The following GPX3 variants were observed in gnomAD, a reference collection of about 807,000 sequenced individuals.
The protein encoded by GPX3 is glutathione peroxidase 3, also known as GPx-3.
Under a neutral mutation model 25.1 loss-of-function variants are expected in GPX3, and 22 were observed. The observed-to-expected ratio is 0.88, with a 90% CI of 0.63 to 1.25. The LOEUF (loss-of-function observed/expected upper bound fraction) is 1.25. Among genes scored for constraint, GPX3 ranks in the 50% most tolerant of loss-of-function variants. The pLI, the probability that GPX3 is intolerant of heterozygous loss-of-function variation, is 0.00. For synonymous variants in GPX3, 110 were observed against 114.5 expected (o/e 0.96, Z 0.25); for missense variants, 278 against 286.6 (o/e 0.97, Z 0.22).
In GPX3 at chr5:151,028,073, G is replaced by C. The variant is rs755686829; in HGVS notation, c.624G>C (p.Lys208Asn). ...WHHRTTVSNV[K>N]MDILSYMRRQ... ...ACCGGACCACGGTCAGCAACGTCAA[G>C]ATGGACATCCTGTCCTACATGAGGC... The change falls in exon 5 of 5, where the codon AAG (lysine) becomes AAC (asparagine). Residue 208 changes from lysine to asparagine, a missense_variant. By Grantham distance (94) the Lys-to-Asn change is moderately conservative. Coordinates refer to ENST00000388825, the MANE Select transcript of GPX3 (RefSeq NM_002084.5). The C allele has an allele frequency of 1.2e-6, 2 of 1,611,510 alleles. No homozygotes were observed. The highest frequency in any genetic ancestry group is 1.7e-6 in the Non-Finnish European group (2 of 1,178,718).
chr5:151,025,584 A>G lies in GPX3; in HGVS notation c.241+91A>G, dbSNP rs1756535978. 22 of 1,166,528 alleles carry G rather than the reference A, an allele frequency of 1.9e-5. No individual in the cohort carries two copies. In the South Asian group the frequency reaches 3.4e-4, roughly 18 times the overall value. 72.3% of individuals were successfully genotyped at this position (1,166,528 alleles called of 1,614,324 possible). On this transcript the variant is annotated intron_variant, in intron 2 of 4. Transcript: ENST00000388825. The stretch of plus-strand genomic sequence containing the variant: ...TTTCTGGTGCATGGGGGAAAGGGTG[A>G]TGGCAATCACGAGAGTCCAAGCCCC...
chr5:151,026,884 T>C lies in GPX3; in HGVS notation c.242-16T>C, dbSNP rs1756556800. 6.3e-7 allele frequency: 1 copy of C among 1,590,906 alleles called. No homozygotes were observed. Among genetic ancestry groups the C allele is most frequent in the Admixed American group, 1.7e-5 (1 of 59,406 alleles). ...CGCCAGGATACTCCCACATCTGCTC[T>C]TTCTCTTTGGCCCAGAACTGAATGC... On this transcript the variant is annotated splice_polypyrimidine_tract_variant and intron_variant, in intron 2 of 4. Coordinates refer to ENST00000388825, the MANE Select transcript of GPX3 (RefSeq NM_002084.5).
chr5:151,024,481 C>T (rs938599305), intron 1 of GPX3, among the ~76,000 whole-genome samples: 1 of 152,072 alleles, frequency 6.6e-6, no homozygotes, highest in African/African-American at 2.4e-5. Flanking sequence ...TGAGGAAACT[C>T]AGGTCCGAAG....
chr5:151,024,802 C>G (rs749141413), intron 1 of GPX3, among the ~76,000 whole-genome samples: 1 of 152,222 alleles, frequency 6.6e-6, no homozygotes, highest in Non-Finnish European at 1.5e-5. Context: ...TTGGGAGCCT[C>G]TGAATCACCA....
intron 4 of GPX3, 124 bp from the exon 5 acceptor site, chr5:151,027,785 C>T: frequency 1.2e-6 from 1 of 827,578 alleles, no homozygotes; most frequent in Non-Finnish European, 2.1e-6. Flanking sequence ...CTGGCGCTGG[C>T]AGTCTTCTAA....
At chr5:151,023,303 C>A (rs111343162) in intron 1 of GPX3, among the ~76,000 whole-genome samples, 1 of 152,170 alleles carries the variant, frequency 6.6e-6, no homozygotes, top group African/African-American at 2.4e-5. Context: ...CTTCTGACCC[C>A]CACTATCCCT....
rs1456109996 is a variant in GPX3 at position 151,028,195 on chromosome 5, G to T, written c.*65G>T. The T allele has an allele frequency of 6.4e-6, 9 of 1,406,502 alleles. 1 individual carries two copies. In the South Asian group the frequency reaches 9.9e-5, roughly 16 times the overall value. 87.1% of individuals were successfully genotyped at this position (1,406,502 alleles called of 1,614,324 possible). A position where few individuals can be genotyped will look rare whatever the true frequency, so the allele number is the denominator to read the frequency against. On this transcript the variant is annotated 3_prime_UTR_variant, in exon 5 of 5. Coordinates refer to ENST00000388825, the MANE Select transcript of GPX3 (RefSeq NM_002084.5). The stretch of plus-strand genomic sequence containing the variant: ...GGACTTTGTTCAGGAAGAAATCCGT[G>T]TCTCCAACCACACTATCTACCCATC...
intron 2 of GPX3, among the ~76,000 whole-genome samples, chr5:151,025,881 C>G (rs966117941): frequency 1.3e-5 from 2 of 152,182 alleles, no homozygotes; most frequent in African/African-American, 4.8e-5. Flanking sequence ...TGGCAGCTCT[C>G]TGGAAAGCAG....
chr5:151,027,663 A>G lies in GPX3; in HGVS notation c.459+132A>G, dbSNP rs1318950529. 3 of 691,598 alleles carry G rather than the reference A, an allele frequency of 4.3e-6. No individual in the cohort carries two copies. The Admixed American group carries it at 7.7e-5, about 18-fold the overall frequency. 42.8% of individuals were successfully genotyped at this position (691,598 alleles called of 1,614,324 possible). A position where few individuals can be genotyped will look rare whatever the true frequency, so the allele number is the denominator to read the frequency against. ...TTCTTGGCACCTGACTATTGTTCCAACTAGAGGGCTCTGCAGACCCTGACT... is the reference window on the plus strand; with the variant it reads ...TTCTTGGCACCTGACTATTGTTCCAGCTAGAGGGCTCTGCAGACCCTGACT... On this transcript the variant is annotated intron_variant, in intron 4 of 4. Transcript: ENST00000388825.
chr5:151,025,257 TTG>T, intron 1 of GPX3, 81 bp from the exon 2 acceptor site: 1 of 1,150,402 alleles, frequency 8.7e-7, no homozygotes, highest in Non-Finnish European at 1.2e-6. Flanking sequence ...ACTCTCTCTG[TTG>T]GGATCTTTCA....
intron 1 of GPX3, among the ~76,000 whole-genome samples, chr5:151,023,032 C>T (rs145132233): frequency 5.3e-5 from 8 of 152,174 alleles, no homozygotes; most frequent in African/African-American, 1.9e-4. Flanking sequence ...AGGAGAAAGA[C>T]ACAAGACCAG....
chr5:151,020,809 A>G, intron 1 of GPX3, 68 bp downstream of exon 1: 3 of 1,383,558 alleles, frequency 2.2e-6, no homozygotes, highest in Non-Finnish European at 3.0e-6. Context: ...CGCTCAGTGC[A>G]ATGCACCCCT....
In GPX3 at chr5:151,028,079, C is replaced by A. The variant is rs1047991777; in HGVS notation, c.630C>A (p.Asp210Glu). ...HRTTVSNVKM[D>E]ILSYMRRQAA... is the part of the protein sequence containing the mutation. Reference sequence around the variant, plus strand: ...CCACGGTCAGCAACGTCAAGATGGACATCCTGTCCTACATGAGGCGGCAGG... The same window carrying A: ...CCACGGTCAGCAACGTCAAGATGGAAATCCTGTCCTACATGAGGCGGCAGG... The change falls in exon 5 of 5, where the codon GAC (aspartate) becomes GAA (glutamate). Residue 210 changes from aspartate to glutamate, a missense_variant. Coordinates refer to ENST00000388825, the MANE Select transcript of GPX3 (RefSeq NM_002084.5). The A allele has an allele frequency of 1.2e-6, 2 of 1,609,760 alleles. No individual in the cohort carries two copies. The highest frequency in any genetic ancestry group is 3.4e-5 in the Admixed American group (2 of 59,112).
chr5:151,021,139 G>T (rs893097473), intron 1 of GPX3: 2 of 251,652 alleles, frequency 7.9e-6, no homozygotes, highest in Non-Finnish European at 7.8e-6. Context: ...CCAGCGTCTG[G>T]GTGGGCTGTG....
chr5:151,026,818 C>T (rs1307494206), intron 2 of GPX3, 82 bp from the exon 3 acceptor site: 23 of 972,204 alleles, frequency 2.4e-5, no homozygotes, highest in South Asian at 1.5e-5. Flanking sequence ...AGCGGCACAG[C>T]GGGTGAGCCG....
In GPX3 at chr5:151,020,619, C is replaced by A; in HGVS notation, c.-36C>A. On this transcript the variant is annotated 5_prime_UTR_variant, in exon 1 of 5. Coordinates refer to ENST00000388825, the MANE Select transcript of GPX3 (RefSeq NM_002084.5). ...CGGACGGTGGCCAGGGATCAGGCAG[C>A]GGCTCAGGCGACCCTGAGTGTGCCC... The A allele has an allele frequency of 6.4e-7, 1 of 1,556,550 alleles. No homozygotes were observed. Among genetic ancestry groups the A allele is most frequent in the Non-Finnish European group, 8.7e-7 (1 of 1,145,902 alleles).
At chr5:151,020,862 A>G (rs1454309251) in intron 1 of GPX3, 121 bp downstream of exon 1, 1 of 965,420 alleles carries the variant, frequency 1.0e-6, no homozygotes, top group Non-Finnish European at 1.6e-6. Context: ...CAGGTGCGAG[A>G]GACCTCCTGA....
Position 151,020,690 on chromosome 5 carries a change from C to G in GPX3, c.36C>G (p.Ser12=), listed in dbSNP as rs754825679. The G allele has an allele frequency of 6.2e-7, 1 of 1,611,766 alleles. No individual in the cohort carries two copies. Residue 12 remains serine (S), a synonymous_variant, in exon 1 of 5, where the codon TCC becomes TCG. Coordinates refer to ENST00000388825, the MANE Select transcript of GPX3 (RefSeq NM_002084.5). ...TGCTGCAGGCGTCCTGCCTGCTTTC[C>G]CTGCTCCTGGCCGGCTTCGTCTCGC... ...ARLLQASCLL[S]LLLAGFVSQS...
At chr5:151,027,366 C>A in intron 3 of GPX3, 66 bp from the exon 4 acceptor site, 1 of 1,021,328 alleles carries the variant, frequency 9.8e-7, no homozygotes, top group East Asian at 2.4e-5. Flanking sequence ...CTGTTCTGTC[C>A]CTTCCTCTCA....
Sources: allele counts gnomAD v4.1 joint callset (sites outside exome capture counted in the v4.1 genomes callset), GRCh38; gene constraint gnomAD v4.1.1; transcripts MANE v1.5; gene names NCBI Gene and HGNC (gene_info 2026-07-23, HGNC 2026-07-21).